Variants in LRP11 observed in about 807,000 individuals in gnomAD.
LRP11 encodes LDL receptor related protein 11.
In LRP11, 25 loss-of-function variants were observed where a neutral mutation model predicts 43.1. The ratio of observed to expected loss-of-function variants is 0.58; its 90% CI spans 0.42 to 0.81. The LOEUF (loss-of-function observed/expected upper bound fraction) is 0.81, where lower values mean the gene tolerates loss of function less well. LRP11 is among the 30% of genes least tolerant of loss of function. The probability of loss-of-function intolerance (pLI) is 0.00; values close to 1 mark genes in which losing one functional copy is unlikely to be tolerated. For synonymous variants in LRP11, 316 were observed against 299.4 expected (o/e 1.06, Z -0.57); for missense variants, 623 against 665.1 (o/e 0.94, Z 0.70).
chr6:149,823,289 C>T (rs573747718), intron 6 of LRP11, among the ~76,000 whole-genome samples: 2 of 152,228 alleles, frequency 1.3e-5, no homozygotes, highest in South Asian at 4.2e-4. Context: ...GAGGATGCTA[C>T]TTTGTTTCTT....
intron 5 of LRP11, among the ~76,000 whole-genome samples, chr6:149,830,465 C>T (rs1258069566): frequency 1.3e-5 from 2 of 152,140 alleles, no homozygotes; most frequent in Non-Finnish European, 2.9e-5. Context: ...CTAGCAAATA[C>T]GAGTTTTTTA....
chr6:149,826,229 A>ACAGTCTGC lies in LRP11; in HGVS notation c.1348+27_1348+34dup, dbSNP rs746265689. 3.4e-6 allele frequency: 5 copies of ACAGTCTGC among 1,475,274 alleles called. No individual in the cohort carries two copies. In the South Asian group the frequency reaches 5.7e-5, roughly 17 times the overall value. The allele number at this position is 1,475,274 out of a possible 1,614,324, so 91.4% of individuals were successfully genotyped here. ...GAGGGCATGCAGTTCTGAGAAGACT[A>ACAGTCTGC]CAGTCTGCAAAGGGTTTCCAAGGTG... On this transcript the variant is annotated intron_variant, in intron 6 of 6. Coordinates refer to ENST00000239367, the MANE Select transcript of LRP11 (RefSeq NM_032832.6).
rs375963476 is a variant in LRP11 at position 149,820,565 on chromosome 6, T to C, written c.1487A>G (p.Asn496Ser). The C allele has an allele frequency of 1.3e-6, 1 of 780,880 alleles. No individual in the cohort carries two copies. Among genetic ancestry groups the C allele is most frequent in the Non-Finnish European group, 2.4e-6 (1 of 418,092 alleles). The allele number at this position is 780,880 out of a possible 1,614,324, so 48.4% of individuals were successfully genotyped here. A position where few individuals can be genotyped will look rare whatever the true frequency, so the allele number is the denominator to read the frequency against. ...ITSEESDYLINGMYL is the reference protein window; with the variant it reads ...ITSEESDYLISGMYL Reference sequence around the variant, plus strand: ...ATTACATTACTATAGATACATCCCATTTATGAGGTAGTCCGATTCCTCAGA... The same window carrying C: ...ATTACATTACTATAGATACATCCCACTTATGAGGTAGTCCGATTCCTCAGA... The change falls in exon 7 of 7, where the codon AAT becomes AGT. Residue 496 changes from asparagine (N) to serine (S), a missense_variant. Transcript: ENST00000239367.
In LRP11 at chr6:149,863,542, C is replaced by G; in HGVS notation, c.479G>C (p.Cys160Ser). The change falls in exon 1 of 7, where the codon TGC becomes TCC. Residue 160 changes from cysteine (C) to serine (S), a missense_variant. Cys to Ser is a moderately radical substitution (Grantham distance 112). Transcript: ENST00000239367. ...RPAPPAAVLGCYLFNCTARGR... is the reference protein window; with the variant it reads ...RPAPPAAVLGSYLFNCTARGR... ...GCGCGCCGTGCAGTTGAAGAGGTAG[C>G]AGCCGAGCACGGCTGCCGGGGGCGC... 1 of 1,363,604 alleles carries G rather than the reference C, an allele frequency of 7.3e-7. No homozygotes were observed. The highest frequency in any genetic ancestry group is 1.8e-5 in the South Asian group (1 of 56,688). The allele number at this position is 1,363,604 out of a possible 1,614,324, so 84.5% of individuals were successfully genotyped here.
chr6:149,844,856 TATA>T (rs1347487144), intron 2 of LRP11, among the ~76,000 whole-genome samples: 1 of 152,210 alleles, frequency 6.6e-6, no homozygotes, highest in Non-Finnish European at 1.5e-5. Context: ...ATCATTTAGA[TATA>T]ATGAGATTAC....
At chr6:149,825,311 ATTC>A (rs1476306319) in intron 6 of LRP11, among the ~76,000 whole-genome samples, 4 of 152,130 alleles carry the variant, frequency 2.6e-5, no homozygotes, top group South Asian at 4.1e-4. Context: ...AAATTATTGT[ATTC>A]TTCTTCCACT....
Position 149,852,996 on chromosome 6 carries a change from GCGTTA to G in LRP11, c.771+2_771+6del. The G allele has an allele frequency of 6.3e-7, 1 of 1,583,252 alleles. No individual in the cohort carries two copies. The highest frequency in any genetic ancestry group is 8.6e-7 in the Non-Finnish European group (1 of 1,167,132). Reference sequence around the variant, plus strand: ...TCGTTTTTGTTAGCAGTGACAACATGCGTTACCTTCATGTCCACTGACGGGTCCCC... The same window carrying G: ...TCGTTTTTGTTAGCAGTGACAACATGCCTTCATGTCCACTGACGGGTCCCC... On this transcript the variant is annotated splice_donor_variant and splice_donor_5th_base_variant and intron_variant, in intron 2 of 6. Coordinates refer to ENST00000239367, the MANE Select transcript of LRP11 (RefSeq NM_032832.6). LOFTEE classifies it high-confidence loss of function.
At chr6:149,821,717 A>T (rs1359280554) in intron 6 of LRP11, among the ~76,000 whole-genome samples, 1 of 152,188 alleles carries the variant, frequency 6.6e-6, no homozygotes, top group African/African-American at 2.4e-5. Context: ...TGGCCAGGCC[A>T]GGTCTGGAGA....
intron 2 of LRP11, among the ~76,000 whole-genome samples, chr6:149,848,760 A>G (rs1217091638): frequency 1.3e-5 from 2 of 149,060 alleles, no homozygotes; most frequent in Non-Finnish European, 3.0e-5. Context: ...AGAGGTTTAG[A>G]AAAAAAACAA....
At chr6:149,828,609 CT>C (rs1435751181) in intron 5 of LRP11, among the ~76,000 whole-genome samples, 1 of 152,048 alleles carries the variant, frequency 6.6e-6, no homozygotes, top group Non-Finnish European at 1.5e-5. Flanking sequence ...CCACCTCAGC[CT>C]CCCAACTAAC....
At position 149,857,936 on chromosome 6, in the gene LRP11, C is replaced by T. The variant is rs189741785; in HGVS notation, c.614-4776G>A. ...TATAGAAAGAACTTAACTTTCACAA[C>T]GAATCTCTGAGGTAGGTATTATCAT... On this transcript the variant is annotated intron_variant, in intron 1 of 6. Transcript: ENST00000239367. 4.1e-4 allele frequency among the ~76,000 whole-genome samples: 63 copies of T among 152,254 alleles called. No homozygotes were observed. The East Asian group carries it at 0.011, about 27-fold the overall frequency.
At chr6:149,833,066 C>T (rs754920412) in intron 5 of LRP11, among the ~76,000 whole-genome samples, 2 of 152,116 alleles carry the variant, frequency 1.3e-5, no homozygotes, top group Admixed American at 6.6e-5. Flanking sequence ...CCTCGGCCTC[C>T]CAAAGTGCTG....
At chr6:149,832,480 G>A (rs7762484) in intron 5 of LRP11, among the ~76,000 whole-genome samples, 3,536 of 151,926 alleles carry the variant, frequency 0.023, 92 homozygotes, top group South Asian at 0.079. Context: ...GAGCCACCGC[G>A]CCCAGCCGAG....
intron 2 of LRP11, among the ~76,000 whole-genome samples, chr6:149,845,078 A>G (rs1776612428): frequency 1.3e-5 from 2 of 152,222 alleles, no homozygotes; most frequent in Non-Finnish European, 2.9e-5. Context: ...CATGGGTTTG[A>G]ATGCCAGCCC....
In LRP11 at chr6:149,826,077, A is replaced by G. The variant is rs539129538; in HGVS notation, c.1348+187T>C. On this transcript the variant is annotated intron_variant, in intron 6 of 6. Transcript: ENST00000239367. ...TAGAAAAGGCAGCTGAGGTCCAAAG[A>G]TGGAAGGTTACTATCAGGAGCCCCA... The G allele has an allele frequency of 9.6e-5, 57 of 590,946 alleles. No individual in the cohort carries two copies. The African/African-American group carries it at 1.0e-3, about 11-fold the overall frequency. 36.6% of individuals were successfully genotyped at this position (590,946 alleles called of 1,614,324 possible).
chr6:149,823,591 T>C (rs1373359179), intron 6 of LRP11, among the ~76,000 whole-genome samples: 1 of 152,116 alleles, frequency 6.6e-6, no homozygotes, highest in Admixed American at 6.5e-5. Context: ...TGGTCCCAGG[T>C]ATAGCTGGCC....
At chr6:149,837,541 T>TG (rs1247390099) in intron 3 of LRP11, 78 bp from the exon 4 acceptor site, 1 of 1,454,304 alleles carries the variant, frequency 6.9e-7, no homozygotes, top group Non-Finnish European at 9.4e-7. Flanking sequence ...GGGGAGTCCG[T>TG]GGGGATGATA....
intron 1 of LRP11, among the ~76,000 whole-genome samples, chr6:149,855,881 C>T (rs1424597508): frequency 6.6e-6 from 1 of 152,180 alleles, no homozygotes; most frequent in African/African-American, 2.4e-5. Flanking sequence ...ACTTGTTCTT[C>T]TGCCTTTTTC....
In LRP11 at chr6:149,836,206, G is replaced by A. The variant is rs768508923; in HGVS notation, c.1131C>T (p.Ser377=). The change falls in exon 5 of 7, where the codon TCC becomes TCT. Residue 377 remains serine (S), a synonymous_variant. Coordinates refer to ENST00000239367, the MANE Select transcript of LRP11 (RefSeq NM_032832.6). Reference sequence around the variant, plus strand: ...TGGCTTTCTGAGACTTTTCCACCAAGGAGTCACCCCCTGCATCTTCACTCG... The same window carrying A: ...TGGCTTTCTGAGACTTTTCCACCAAAGAGTCACCCCCTGCATCTTCACTCG... ...TGPSEDAGGD[S]LVEKSQKATA... 11 of 1,614,052 alleles carry A rather than the reference G, an allele frequency of 6.8e-6. No individual in the cohort carries two copies. Among genetic ancestry groups the A allele is most frequent in the Admixed American group, 3.3e-5 (2 of 59,998 alleles).
Sources: gnomAD v4.1 joint callset for allele counts (sites outside exome capture counted in the v4.1 genomes callset) on GRCh38, gnomAD v4.1.1 for gene constraint, MANE v1.5 for transcripts, NCBI Gene and HGNC (gene_info 2026-07-23, HGNC 2026-07-21) for gene names.